Variants in NALCN observed in about 807,000 individuals in gnomAD.
The protein encoded by NALCN is sodium leak channel, non-selective.
A neutral mutation model predicts 225.3 loss-of-function variants in NALCN; 111 were observed. The ratio of observed to expected loss-of-function variants is 0.49; its 90% CI spans 0.42 to 0.58. NALCN has a LOEUF of 0.58. NALCN is among the 20% of genes least tolerant of loss of function. NALCN has a pLI of 0.00. For missense variants in NALCN, 1,378 were observed against 2,202.4 expected (o/e 0.63, Z 7.49); for synonymous variants, 764 against 769.0 (o/e 0.99, Z 0.11).
At chr13:101,387,227 CAAAAAAAAAAAA>C (rs747159185) in intron 3 of NALCN, among the ~76,000 whole-genome samples, 8 of 29,042 alleles carry the variant, frequency 2.8e-4, no homozygotes, top group African/African-American at 8.8e-4. Flanking sequence ...GACTCCGTCT[CAAAAAAAAAAAA>C]AAAAAAAAAA....
At chr13:101,225,246 C>A (rs1427888762) in intron 13 of NALCN, among the ~76,000 whole-genome samples, 2 of 152,228 alleles carry the variant, frequency 1.3e-5, no homozygotes, top group East Asian at 3.9e-4. Context: ...TTCCCTATCT[C>A]CGCCTGCATT....
chr13:101,157,224 G>C (rs1024651632), intron 15 of NALCN, among the ~76,000 whole-genome samples: 1 of 152,120 alleles, frequency 6.6e-6, no homozygotes, highest in Non-Finnish European at 1.5e-5. Flanking sequence ...GTGTGTACTT[G>C]AGTTAGTACA....
At chr13:101,182,017 C>T (rs979929412) in intron 14 of NALCN, among the ~76,000 whole-genome samples, 19 of 150,540 alleles carry the variant, frequency 1.3e-4, no homozygotes, top group African/African-American at 2.4e-5. Context: ...GCCTGTAGTC[C>T]CAGTTACTCC....
At chr13:101,360,225 TCTCTCC>T (rs1277790219) in intron 6 of NALCN, among the ~76,000 whole-genome samples, 2 of 138,224 alleles carry the variant, frequency 1.4e-5, no homozygotes, top group African/African-American at 5.5e-5. Context: ...TCTCTCTCTC[TCTCTCC>T]TTCCTTCCTT....
intron 10 of NALCN, among the ~76,000 whole-genome samples, chr13:101,271,658 G>A (rs1277537261): frequency 6.6e-6 from 1 of 151,852 alleles, no homozygotes; most frequent in Non-Finnish European, 1.5e-5. Flanking sequence ...GTGTGAGCAT[G>A]CATGATTATG....
intron 15 of NALCN, among the ~76,000 whole-genome samples, chr13:101,154,156 T>A (rs1413513026): frequency 6.6e-6 from 1 of 152,184 alleles, no homozygotes; most frequent in African/African-American, 2.4e-5. Context: ...CTCCCTGATG[T>A]CGGTACCATA....
At chr13:101,141,152 C>T (rs547629598) in intron 17 of NALCN, among the ~76,000 whole-genome samples, 4 of 152,030 alleles carry the variant, frequency 2.6e-5, no homozygotes, top group Admixed American at 1.3e-4. Context: ...GAGAGAGAAG[C>T]AGATGGAAGA....
rs755128282 is a variant in NALCN at position 101,104,605 on chromosome 13, G to A, written c.2682C>T (p.Ile894=). The change falls in exon 24 of 44, where the codon ATC becomes ATT. Residue 894 remains isoleucine, a synonymous_variant. Transcript: ENST00000251127. The surrounding 1 kb of genome is among the most constrained non-coding windows in gnomAD (Gnocchi z 4.2). ...TGGAAATGCAAGAGCAGATGGTTAC[G>A]ATGATCATGACCCAGTCCAGGTAAG... ...LVTYLDWVMI[I]VTICSCISMM... is the part of the protein sequence containing the mutation. 32 of 1,613,822 alleles carry A rather than the reference G, an allele frequency of 2.0e-5. 1 individual carries two copies. In the East Asian group the frequency reaches 4.2e-4, roughly 21 times the overall value.
intron 10 of NALCN, among the ~76,000 whole-genome samples, chr13:101,273,777 C>T (rs1044702059): frequency 1.3e-5 from 2 of 149,862 alleles, no homozygotes; most frequent in African/African-American, 2.5e-5. Flanking sequence ...CCCAGCAACT[C>T]GGGAGGCTGG....
chr13:101,307,497 C>T (rs1021466333), intron 7 of NALCN, among the ~76,000 whole-genome samples: 8 of 152,180 alleles, frequency 5.3e-5, no homozygotes, highest in East Asian at 3.9e-4. Context: ...ATGTCTGGAG[C>T]GGCATTCCAA....
intron 1 of NALCN, among the ~76,000 whole-genome samples, chr13:101,408,392 A>C (rs1408865476): frequency 1.3e-5 from 2 of 152,146 alleles, no homozygotes; most frequent in Non-Finnish European, 2.9e-5. Context: ...CTCAGAGGAA[A>C]GGCAGCAGCT....
intron 28 of NALCN, 52 bp downstream of exon 28, chr13:101,095,522 T>C: frequency 6.9e-7 from 1 of 1,440,260 alleles, no homozygotes; most frequent in South Asian, 1.2e-5. Flanking sequence ...ATTTAAAGCC[T>C]TATACTGACA....
At position 101,059,979 on chromosome 13, in the gene NALCN, C is replaced by T. The variant is rs763920982; in HGVS notation, c.4756-12G>A. 9.3e-6 allele frequency: 15 copies of T among 1,613,260 alleles called. No individual in the cohort carries two copies. Among genetic ancestry groups the T allele is most frequent in the Middle Eastern group, 1.7e-4 (1 of 6,050 alleles). The stretch of plus-strand genomic sequence containing the variant: ...GACTGCTGCTGTTTCTATGGAAATG[C>T]GATTGTTTGTTCAGTAAAATAAGCC... On this transcript the variant is annotated splice_polypyrimidine_tract_variant and intron_variant, in intron 41 of 43. Coordinates refer to ENST00000251127, the MANE Select transcript of NALCN (RefSeq NM_052867.4).
At chr13:101,117,162 G>A (rs2139671787) in intron 18 of NALCN, among the ~76,000 whole-genome samples, 1 of 152,274 alleles carries the variant, frequency 6.6e-6, no homozygotes, top group Admixed American at 6.5e-5. Flanking sequence ...TTCATAGAAA[G>A]GCATGTAAAT....
chr13:101,180,382 T>C (rs9557594), intron 14 of NALCN: 9,995 of 135,868 alleles, frequency 0.074, 647 homozygotes, highest in East Asian at 0.27. Context: ...CTTTTTTTTT[T>C]TTTTTTATTT....
intron 7 of NALCN, among the ~76,000 whole-genome samples, chr13:101,300,572 C>T (rs1379470962): frequency 6.6e-6 from 1 of 152,034 alleles, no homozygotes. Context: ...GCCTCAGCCT[C>T]CCAAGGAGCT....
rs1221278259 is a variant in NALCN, at chr13:101,237,737, A to G, written c.1434+18T>C. ...AATAAATAAATTTCTAAAGACAAAT[A>G]GGCATTATTTTTATTACCTGAAAGT... On this transcript the variant is annotated intron_variant, in intron 12 of 43. Coordinates refer to ENST00000251127, the MANE Select transcript of NALCN (RefSeq NM_052867.4). 5 of 1,527,144 alleles carry G rather than the reference A, an allele frequency of 3.3e-6. No individual in the cohort carries two copies. The highest frequency in any genetic ancestry group is 4.4e-6 in the Non-Finnish European group (5 of 1,136,618). The allele number at this position is 1,527,144 out of a possible 1,614,324, so 94.6% of individuals were successfully genotyped here. A position where few individuals can be genotyped will look rare whatever the true frequency, so the allele number is the denominator to read the frequency against.
chr13:101,381,833 TG>T (rs548845554), intron 3 of NALCN, among the ~76,000 whole-genome samples: 13 of 151,390 alleles, frequency 8.6e-5, no homozygotes, highest in Non-Finnish European at 1.9e-4. Flanking sequence ...AATGAACAAA[TG>T]TTTTTTACTT....
At chr13:101,193,593 G>A (rs1048125615) in intron 13 of NALCN, among the ~76,000 whole-genome samples, 45 of 152,204 alleles carry the variant, frequency 3.0e-4, no homozygotes, top group Admixed American at 2.7e-3. Flanking sequence ...AATATGAAGC[G>A]TGTTGTTATT....
Sources: gnomAD v4.1 joint callset for allele counts (sites outside exome capture counted in the v4.1 genomes callset) on GRCh38, gnomAD v4.1.1 for gene constraint, Gnocchi (gnomAD v3.1) non-coding constraint, MANE v1.5 for transcripts, NCBI Gene and HGNC (gene_info 2026-07-23, HGNC 2026-07-21) for gene names.